Variants in NVL observed in about 807,000 individuals in gnomAD.
NVL encodes nuclear valosin-containing protein-like.
NVL carries 84 observed loss-of-function variants against 110.2 expected under a neutral mutation model. The ratio of observed to expected loss-of-function variants is 0.76; its 90% CI spans 0.64 to 0.91. The LOEUF (loss-of-function observed/expected upper bound fraction) is 0.91. Among genes scored for constraint, NVL ranks in the 40% least tolerant of loss-of-function variants. The pLI is 0.00. For synonymous variants in NVL, 354 were observed against 361.1 expected (o/e 0.98, Z 0.22); for missense variants, 882 against 1,035.9 (o/e 0.85, Z 2.04).
intron 2 of NVL, among the ~76,000 whole-genome samples, chr1:224,322,498 T>C (rs1670750144): frequency 6.6e-6 from 1 of 152,152 alleles, no homozygotes; most frequent in African/African-American, 2.4e-5. Context: ...TTTCTCTTCT[T>C]TTCTTCCTTC....
intron 4 of NVL, chr1:224,313,027 C>T: frequency 6.2e-6 from 2 of 323,778 alleles, no homozygotes; most frequent in Admixed American, 3.1e-5. Context: ...GGCATGCTGG[C>T]ACACACCTGT....
At chr1:224,236,018 CTGTGTCCCCAA>C (rs1660432397) in intron 20 of NVL, among the ~76,000 whole-genome samples, 1 of 152,002 alleles carries the variant, frequency 6.6e-6, no homozygotes, top group Non-Finnish European at 1.5e-5. Flanking sequence ...TTTCCTCCCT[CTGTGTCCCCAA>C]ATTGGGAAAG....
chr1:224,303,668 A>G, intron 9 of NVL, 55 bp downstream of exon 9: 1 of 1,575,286 alleles, frequency 6.3e-7, no homozygotes, highest in Admixed American at 1.8e-5. Context: ...GAAAAAACAA[A>G]AACAAATAAT....
At chr1:224,326,031 C>T (rs1279034175) in intron 2 of NVL, among the ~76,000 whole-genome samples, 1 of 152,156 alleles carries the variant, frequency 6.6e-6, no homozygotes, top group Non-Finnish European at 1.5e-5. Context: ...TTAAGCCATC[C>T]TCCCACCTCA....
At chr1:224,282,661 A>G (rs1426802538) in intron 15 of NVL, among the ~76,000 whole-genome samples, 1 of 152,174 alleles carries the variant, frequency 6.6e-6, no homozygotes, top group African/African-American at 2.4e-5. Flanking sequence ...AGAACCTGGT[A>G]TCTGAGCTCC....
intron 16 of NVL, 152 bp from the exon 17 acceptor site, chr1:224,275,610 A>G: frequency 1.0e-6 from 1 of 957,406 alleles, no homozygotes; most frequent in East Asian, 2.6e-5. Flanking sequence ...GCTGATATTT[A>G]ACCATTTTTG....
chr1:224,235,719 A>G (rs1660389456), intron 20 of NVL, among the ~76,000 whole-genome samples: 1 of 152,088 alleles, frequency 6.6e-6, no homozygotes, highest in African/African-American at 2.4e-5. Context: ...ACTTAAGCTC[A>G]GGAGTTCATG....
chr1:224,317,145 A>G (rs1044918723), intron 4 of NVL, among the ~76,000 whole-genome samples: 3 of 141,532 alleles, frequency 2.1e-5, no homozygotes, highest in Non-Finnish European at 4.5e-5. Context: ...TCTCAAAAGA[A>G]AAAAAAAAAA....
intron 4 of NVL, among the ~76,000 whole-genome samples, chr1:224,317,170 C>T (rs898414438): frequency 6.6e-6 from 1 of 150,884 alleles, no homozygotes; most frequent in Non-Finnish European, 1.5e-5. Flanking sequence ...GTAGAGCTTA[C>T]TGATGTCAAT....
chr1:224,315,394 T>C (rs1026681311), intron 4 of NVL, among the ~76,000 whole-genome samples: 2 of 152,194 alleles, frequency 1.3e-5, no homozygotes, highest in Non-Finnish European at 2.9e-5. Flanking sequence ...GGAAAGGCCA[T>C]AATGAGAAAT....
At position 224,268,015 on chromosome 1, in the gene NVL, C is replaced by T; in HGVS notation, c.2182+19G>A. 1 of 1,553,276 alleles carries T rather than the reference C, an allele frequency of 6.4e-7. No individual in the cohort carries two copies. On this transcript the variant is annotated intron_variant, in intron 18 of 22. Coordinates refer to ENST00000281701, the MANE Select transcript of NVL (RefSeq NM_002533.4). Reference sequence around the variant, plus strand: ...TAAGTTTTTAGATTCATCTGTGTTACAATATTTTTATTTCTTACCTGGCCT... The same window carrying T: ...TAAGTTTTTAGATTCATCTGTGTTATAATATTTTTATTTCTTACCTGGCCT...
At chr1:224,253,106 G>T (rs769022574) in intron 18 of NVL, among the ~76,000 whole-genome samples, 18 of 151,700 alleles carry the variant, frequency 1.2e-4, no homozygotes, top group Admixed American at 6.6e-5. Context: ...AGTGCAGTGG[G>T]GCGATCTCGG....
At chr1:224,327,172 G>A (rs140249637) in intron 1 of NVL, among the ~76,000 whole-genome samples, 183 of 151,638 alleles carry the variant, frequency 1.2e-3, no homozygotes, top group African/African-American at 4.3e-3. Flanking sequence ...CCCGGGCGTG[G>A]TGGCTCACAC....
chr1:224,330,134 G>C lies in NVL; in HGVS notation c.-7C>G. On this transcript the variant is annotated 5_prime_UTR_variant, in exon 1 of 23. Coordinates refer to ENST00000281701, the MANE Select transcript of NVL (RefSeq NM_002533.4). ...CTGCAGGTCTGGGCTTCATCGCGTC[G>C]GTCTTCCAAGCCACAGCTCGGACCG... The C allele has an allele frequency of 9.3e-6, 15 of 1,613,866 alleles. No individual in the cohort carries two copies. The highest frequency in any genetic ancestry group is 2.7e-5 in the African/African-American group (2 of 75,030).
chr1:224,273,108 G>A (rs1217832913), intron 17 of NVL, among the ~76,000 whole-genome samples: 1 of 150,244 alleles, frequency 6.7e-6, no homozygotes, highest in African/African-American at 2.4e-5. Flanking sequence ...ATATATATCA[G>A]AGTATAGAAA....
chr1:224,313,117 C>T, intron 4 of NVL: 2 of 363,620 alleles, frequency 5.5e-6, no homozygotes, highest in East Asian at 8.9e-5. Flanking sequence ...CATGATTGTG[C>T]CAGTGCACTG....
chr1:224,287,891 G>C lies in NVL; in HGVS notation c.1678C>G (p.Leu560Val), dbSNP rs746445908. 78 of 1,614,112 alleles carry C rather than the reference G, an allele frequency of 4.8e-5. 1 individual carries two copies. The East Asian group carries it at 1.7e-3, about 35-fold the overall frequency. ...CIELNDFIVA[L>V]SSVQPSAKRE... ...TTGGCAGAGGGTTGGACTGAGGATA[G>C]AGCAACAATGAAATCATTCAGTTCA... The change falls in exon 14 of 23, where the codon CTA becomes GTA. Residue 560 changes from leucine to valine, a missense_variant. Transcript: ENST00000281701.
chr1:224,289,748 G>A lies in NVL; in HGVS notation c.1326-15C>T, dbSNP rs1207215492. 7 of 1,587,686 alleles carry A rather than the reference G, an allele frequency of 4.4e-6. No homozygotes were observed. Among genetic ancestry groups the A allele is most frequent in the African/African-American group, 4.1e-5 (3 of 73,666 alleles). ...TTTGAAGTATTCTGTAGAAAAGACA[G>A]GGGAAAAAATTTCTGATTCCTGATC... On this transcript the variant is annotated splice_polypyrimidine_tract_variant and intron_variant, in intron 12 of 22. Coordinates refer to ENST00000281701, the MANE Select transcript of NVL (RefSeq NM_002533.4).
chr1:224,289,853 A>AT, intron 12 of NVL, 120 bp from the exon 13 acceptor site: 1 of 849,364 alleles, frequency 1.2e-6, no homozygotes. Context: ...GATACTATAT[A>AT]AGATCAAATA....
Sources: allele counts gnomAD v4.1 joint callset (sites outside exome capture counted in the v4.1 genomes callset), GRCh38; gene constraint gnomAD v4.1.1; transcripts MANE v1.5; gene names NCBI Gene and HGNC (gene_info 2026-07-23, HGNC 2026-07-21).